NUTM2G: variants seen among roughly 807,000 people sequenced by gnomAD.
NUTM2G encodes family with sequence similarity 22, member G.
Under a neutral mutation model 44.3 loss-of-function variants are expected in NUTM2G, and 29 were observed. The observed-to-expected ratio is 0.66, with a 90% confidence interval of 0.49 to 0.89. The LOEUF (loss-of-function observed/expected upper bound fraction) is 0.89, where lower values mean the gene tolerates loss of function less well. Among genes scored for constraint, NUTM2G ranks in the 40% least tolerant of loss-of-function variants. The pLI is 0.00. For synonymous variants in NUTM2G, 205 were observed against 395.9 expected (o/e 0.52, Z 5.72); for missense variants, 502 against 946.5 (o/e 0.53, Z 6.16).
At position 96,931,769 on chromosome 9, in the gene NUTM2G, C is replaced by A; in HGVS notation, c.64C>A (p.Leu22Met). The A allele has an allele frequency of 1.2e-6, 2 of 1,611,660 alleles. No individual in the cohort carries two copies. Among genetic ancestry groups the A allele is most frequent in the African/African-American group, 1.3e-5 (1 of 74,602 alleles). Reference sequence around the variant, plus strand: ...CGTGACCGTGAACCCTGGCACCTCCCTGTCTGTGTTCACGGCTCTGCCCTT... The same window carrying A: ...CGTGACCGTGAACCCTGGCACCTCCATGTCTGTGTTCACGGCTCTGCCCTT... Reference protein sequence around the residue: ...PGVTVNPGTSLSVFTALPFAT... With the variant: ...PGVTVNPGTSMSVFTALPFAT... Residue 22 changes from leucine to methionine, a missense_variant, in exon 2 of 7, where the codon CTG becomes ATG. Transcript: ENST00000372322.
rs569647340 is a variant in NUTM2G at position 96,929,075 on chromosome 9, G to C, written c.16+35G>C. Reference sequence around the variant, plus strand: ...TAGGGATGGGGCATTATCCTAGTCTGCCTTGCCTCAACTCCTTGGGAATTC... The same window carrying C: ...TAGGGATGGGGCATTATCCTAGTCTCCCTTGCCTCAACTCCTTGGGAATTC... On this transcript the variant is annotated intron_variant, in intron 1 of 6. Transcript: ENST00000372322. The C allele has an allele frequency of 1.5e-5, 24 of 1,610,926 alleles. No homozygotes were observed. In the East Asian group the frequency reaches 5.2e-4, roughly 35 times the overall value.
downstream of NUTM2G, among the ~76,000 whole-genome samples, chr9:96,940,814 T>C (rs1230955700): frequency 6.6e-6 from 1 of 152,282 alleles, no homozygotes; most frequent in Non-Finnish European, 1.5e-5. Context: ...AACACAGCAG[T>C]CAGCCAGACA....
At chr9:96,936,784 T>C (rs1041360885) in intron 4 of NUTM2G, among the ~76,000 whole-genome samples, 3 of 152,152 alleles carry the variant, frequency 2.0e-5, no homozygotes, top group Non-Finnish European at 4.4e-5. Context: ...GTTTCCTACT[T>C]TCTCTCTCCC....
intron 1 of NUTM2G, among the ~76,000 whole-genome samples, chr9:96,929,358 G>A (rs972577139): frequency 1.6e-4 from 25 of 151,930 alleles, no homozygotes; most frequent in Non-Finnish European, 3.4e-4. Context: ...GTGTTGTGCT[G>A]GTGGCCCAGG....
At chr9:96,937,827 C>T in intron 5 of NUTM2G, 58 bp from the exon 6 acceptor site, 3 of 1,599,332 alleles carry the variant, frequency 1.9e-6, no homozygotes, top group Middle Eastern at 2.3e-4. Context: ...TCCGGGTGTC[C>T]TTGGCTCCAG....
Position 96,936,510 on chromosome 9 carries a change from C to G in NUTM2G, c.928C>G (p.Pro310Ala). The G allele has an allele frequency of 1.3e-6, 2 of 1,550,662 alleles. No homozygotes were observed. The highest frequency in any genetic ancestry group is 1.4e-5 in the African/African-American group (1 of 73,814). The change falls in exon 4 of 7, where the codon CCG (proline) becomes GCG (alanine). Residue 310 changes from proline (P) to alanine (A), a missense_variant. Physicochemically the swap from Pro to Ala is conservative, Grantham distance 27. Transcript: ENST00000372322. ...KGPQSLPPPA[P>A]PRLEPRGPPA... ...GCCCCAGAGCCTGCCTCCTCCAGCC[C>G]CGCCGAGGCTTGAACCTCGAGGACC... is the stretch of plus-strand genomic sequence containing the variant.
In NUTM2G at chr9:96,933,054, T is replaced by G. The variant is rs533696394; in HGVS notation, c.713+636T>G. 3.4e-4 allele frequency among the ~76,000 whole-genome samples: 51 copies of G among 148,470 alleles called. No homozygotes were observed. In the East Asian group the frequency reaches 0.01, roughly 29 times the overall value. On this transcript the variant is annotated intron_variant, in intron 2 of 6. Coordinates refer to ENST00000372322, the MANE Select transcript of NUTM2G (RefSeq NM_001170741.3). ...GAGCAGTGGCGTGATCTCGGCTCAC[T>G]GCAAGCTCTACCTCCCAGGTTCACG... is the stretch of plus-strand genomic sequence containing the variant.
At position 96,932,019 on chromosome 9, in the gene NUTM2G, C is replaced by T; in HGVS notation, c.314C>T (p.Ala105Val). Residue 105 changes from alanine to valine, a missense_variant, in exon 2 of 7, where the codon GCC becomes GTC. Physicochemically the swap from Ala to Val is moderately conservative, Grantham distance 64 (BLOSUM62 0). Transcript: ENST00000372322. ...PQAQTLILTQ[A>V]PLVWQAPGTL... The stretch of plus-strand genomic sequence containing the variant: ...GCACAGACCTTGATCCTAACTCAGG[C>T]CCCCCTCGTCTGGCAGGCTCCAGGC... 1.2e-6 allele frequency: 2 copies of T among 1,609,554 alleles called. No individual in the cohort carries two copies. Among genetic ancestry groups the T allele is most frequent in the South Asian group, 2.2e-5 (2 of 90,788 alleles).
At chr9:96,934,783 A>G (rs1335076186) in intron 2 of NUTM2G, among the ~76,000 whole-genome samples, 1 of 152,124 alleles carries the variant, frequency 6.6e-6, no homozygotes, top group Non-Finnish European at 1.5e-5. Flanking sequence ...GTGCTTTATC[A>G]AGACACATTC....
rs116119673 is a variant in NUTM2G, at chr9:96,933,358, T to C, written c.713+940T>C. On this transcript the variant is annotated intron_variant, in intron 2 of 6. Transcript: ENST00000372322. ...TTCTTGGTGTGACGTGAGCCACGGT[T>C]TGGGTTTAGGTCTTTTTTGTTTGTT... is the stretch of plus-strand genomic sequence containing the variant. 4.8e-3 allele frequency among the ~76,000 whole-genome samples: 721 copies of C among 150,784 alleles called. 5 individuals carry two copies. Among genetic ancestry groups the C allele is most frequent in the African/African-American group, 0.017 (677 of 40,794 alleles).
Position 96,935,548 on chromosome 9 carries a change from C to T in NUTM2G, c.842+92C>T, listed in dbSNP as rs546255442. The T allele has an allele frequency of 1.3e-5, 21 of 1,609,370 alleles. No individual in the cohort carries two copies. In the Admixed American group the frequency reaches 2.7e-4, roughly 20 times the overall value. On this transcript the variant is annotated intron_variant, in intron 3 of 6. Transcript: ENST00000372322. Reference sequence around the variant, plus strand: ...GCCGTGGTGGCTTCTCAGCGTGGAGCATGAGGAGGGTGTGGACAAACACAG... The same window carrying T: ...GCCGTGGTGGCTTCTCAGCGTGGAGTATGAGGAGGGTGTGGACAAACACAG...
downstream of NUTM2G, chr9:96,940,211 C>T (rs1826560766): frequency 6.7e-6 from 1 of 149,702 alleles, no homozygotes; most frequent in Admixed American, 6.6e-5. Flanking sequence ...CCGAGAGGGG[C>T]CGAGGGTCAG....
chr9:96,929,822 G>A (rs1305926650), intron 1 of NUTM2G, among the ~76,000 whole-genome samples: 1 of 152,010 alleles, frequency 6.6e-6, no homozygotes, highest in Non-Finnish European at 1.5e-5. Context: ...TTACTGTGGA[G>A]GTGAAGAATT....
rs779288787 is a variant in NUTM2G, at chr9:96,938,584, T to C, written c.1661T>C (p.Met554Thr). Residue 554 changes from methionine to threonine, a missense_variant, in exon 7 of 7, where the codon ATG (methionine) becomes ACG (threonine). Transcript: ENST00000372322. ...GGACAGGGCAGAGTGCGCACTGGCA[T>C]GGCCAGGTCCGAAGACCCTGCTGTG... ...PQGQGRVRTGMARSEDPAVLL... is the reference protein window; with the variant it reads ...PQGQGRVRTGTARSEDPAVLL... The C allele has an allele frequency of 1.1e-5, 17 of 1,613,088 alleles. No homozygotes were observed. Among genetic ancestry groups the C allele is most frequent in the Non-Finnish European group, 1.4e-5 (17 of 1,179,736 alleles).
intron 2 of NUTM2G, among the ~76,000 whole-genome samples, chr9:96,934,326 G>A (rs1296846309): frequency 1.3e-5 from 2 of 152,224 alleles, no homozygotes; most frequent in Non-Finnish European, 2.9e-5. Context: ...CGTTCCCCTA[G>A]GGGAGTCCCC....
chr9:96,931,886 A>G lies in NUTM2G; in HGVS notation c.181A>G (p.Ser61Gly). 1 of 1,612,286 alleles carries G rather than the reference A, an allele frequency of 6.2e-7. No individual in the cohort carries two copies. Among genetic ancestry groups the G allele is most frequent in the East Asian group, 2.2e-5 (1 of 44,858 alleles). The change falls in exon 2 of 7, where the codon AGC becomes GGC. Residue 61 changes from serine to glycine, a missense_variant. Transcript: ENST00000372322. ...AGPLVLSAFPSTPLVAGQDGR... is the reference protein window; with the variant it reads ...AGPLVLSAFPGTPLVAGQDGR... ...CCCTCTGGTGCTCTCTGCCTTCCCCAGCACCCCTCTAGTGGCAGGACAGGA... is the reference window on the plus strand; with the variant it reads ...CCCTCTGGTGCTCTCTGCCTTCCCCGGCACCCCTCTAGTGGCAGGACAGGA...
rs1826427248 is a variant in NUTM2G, at chr9:96,936,338, T to C, written c.843-87T>C. 4 of 1,535,418 alleles carry C rather than the reference T, an allele frequency of 2.6e-6. No homozygotes were observed. In the East Asian group the frequency reaches 7.3e-5, roughly 28 times the overall value. ...TAGACAGCCCGCCGGAGGCACTCCC[T>C]CCCATCCCTGCCCTCGGCTGCTGCC... is the stretch of plus-strand genomic sequence containing the variant. On this transcript the variant is annotated intron_variant, in intron 3 of 6. Transcript: ENST00000372322.
chr9:96,936,109 C>G (rs541966059), intron 3 of NUTM2G, among the ~76,000 whole-genome samples: 4 of 149,554 alleles, frequency 2.7e-5, no homozygotes, highest in African/African-American at 9.9e-5. Flanking sequence ...TCATCCCTGA[C>G]GCCTTCTGCC....
intron 5 of NUTM2G, among the ~76,000 whole-genome samples, 154 bp downstream of exon 5, chr9:96,937,558 CTG>C (rs956180931): frequency 2.6e-5 from 4 of 151,458 alleles, no homozygotes; most frequent in South Asian, 2.1e-4. Flanking sequence ...CTGTGTGTTG[CTG>C]TGTGTTTGTG....
Sources: gnomAD v4.1 joint callset for allele counts (sites outside exome capture counted in the v4.1 genomes callset) on GRCh38, gnomAD v4.1.1 for gene constraint, MANE v1.5 for transcripts, NCBI Gene and HGNC (gene_info 2026-07-23, HGNC 2026-07-21) for gene names.